WWOX: variants seen among roughly 807,000 people sequenced by gnomAD.
WWOX encodes WW domain-containing oxidoreductase.
WWOX carries 69 observed loss-of-function variants against 46.2 expected under a neutral mutation model. That is an observed-to-expected ratio of 1.49 (90% CI 1.23 to 1.82). The LOEUF is 1.82. WWOX is among the 40% of genes most tolerant of loss of function. The pLI, the probability that WWOX is intolerant of heterozygous loss-of-function variation, is 0.00. For synonymous variants in WWOX, 359 were observed against 202.6 expected (o/e 1.77, Z -6.56); for missense variants, 919 against 542.6 (o/e 1.69, Z -6.89).
intron 8 of WWOX, among the ~76,000 whole-genome samples, chr16:79,072,848 C>G (rs892583410): frequency 2.6e-5 from 4 of 152,132 alleles, no homozygotes; most frequent in African/African-American, 9.7e-5. Context: ...GTCTTTAGAA[C>G]CAGAATGTGT....
intron 8 of WWOX, among the ~76,000 whole-genome samples, chr16:79,081,923 A>C (rs1174717787): frequency 7.2e-5 from 11 of 152,182 alleles, no homozygotes; most frequent in South Asian, 2.1e-4. Flanking sequence ...GTGAAACCGT[A>C]GCAAAACCTC....
chr16:78,650,223 C>T (rs1485132014), intron 8 of WWOX, among the ~76,000 whole-genome samples: 2 of 152,226 alleles, frequency 1.3e-5, no homozygotes, highest in East Asian at 3.8e-4. Flanking sequence ...CACATTACTA[C>T]ATACAGTGAC....
At chr16:78,772,553 A>G (rs949986069) in intron 8 of WWOX, among the ~76,000 whole-genome samples, 1 of 152,160 alleles carries the variant, frequency 6.6e-6, no homozygotes, top group African/African-American at 2.4e-5. Flanking sequence ...TGAAGTTATT[A>G]TCTTCCCTTT....
chr16:79,017,023 T>C (rs2047427942), intron 8 of WWOX: 1 of 152,096 alleles, frequency 6.6e-6, no homozygotes, highest in Admixed American at 6.5e-5. Context: ...CTTCAAAGCT[T>C]AATTAGGAAG....
At chr16:79,178,660 C>T (rs533833534) in intron 8 of WWOX, among the ~76,000 whole-genome samples, 5 of 152,236 alleles carry the variant, frequency 3.3e-5, no homozygotes, top group South Asian at 2.1e-4. Context: ...CTCCAATCTT[C>T]GAAGAATCCG....
chr16:78,880,992 CTTTTTTTT>C (rs71140838), intron 8 of WWOX, among the ~76,000 whole-genome samples: 1 of 113,530 alleles, frequency 8.8e-6, no homozygotes, highest in Non-Finnish European at 1.7e-5. Flanking sequence ...AATTTTTTTT[CTTTTTTTT>C]TTTTTTTTTT....
At chr16:78,252,203 G>A (rs1463663274) in intron 5 of WWOX, among the ~76,000 whole-genome samples, 1 of 152,170 alleles carries the variant, frequency 6.6e-6, no homozygotes, top group Admixed American at 6.5e-5. Context: ...GTGTGCAAGT[G>A]AACAAATAGC....
intron 8 of WWOX, among the ~76,000 whole-genome samples, chr16:78,635,149 C>T (rs1273724461): frequency 6.6e-6 from 1 of 152,144 alleles, no homozygotes; most frequent in Non-Finnish European, 1.5e-5. Flanking sequence ...AAAACTGTAC[C>T]TCTTGCCACT....
rs185566095 is a variant in WWOX at position 78,755,921 on chromosome 16, G to C, written c.1056+323169G>C. 1.8e-3 allele frequency among the ~76,000 whole-genome samples: 273 copies of C among 152,264 alleles called. 4 individuals carry two copies. The highest frequency in any genetic ancestry group is 6.2e-4 in the Non-Finnish European group (42 of 68,028). On this transcript the variant is annotated intron_variant, in intron 8 of 8. Coordinates refer to ENST00000566780, the MANE Select transcript of WWOX (RefSeq NM_016373.4). ...CATAGGATTTTTGTCAGGACGCTAT[G>C]ATGAGAAGAACATATGCCAAGGAGA...
At chr16:78,721,330 T>C (rs150785565) in intron 8 of WWOX, among the ~76,000 whole-genome samples, 7 of 152,330 alleles carry the variant, frequency 4.6e-5, no homozygotes, top group East Asian at 1.9e-4. Flanking sequence ...TTTAAAGATA[T>C]CATAATACCA....
chr16:78,172,274 C>T (rs1258396963), intron 5 of WWOX, among the ~76,000 whole-genome samples: 6 of 152,220 alleles, frequency 3.9e-5, no homozygotes, highest in Non-Finnish European at 2.9e-5. Context: ...CAAGGAAGCT[C>T]TTTCCTTCGC....
At chr16:79,050,106 G>A (rs1186049799) in intron 8 of WWOX, among the ~76,000 whole-genome samples, 2 of 152,166 alleles carry the variant, frequency 1.3e-5, no homozygotes, top group African/African-American at 4.8e-5. Flanking sequence ...TGCTGCTGCT[G>A]CGTAACCGTG....
chr16:79,173,266 G>A (rs1253988761), intron 8 of WWOX, among the ~76,000 whole-genome samples: 1 of 149,694 alleles, frequency 6.7e-6, no homozygotes, highest in African/African-American at 2.5e-5. Context: ...ACATTCCACA[G>A]GAAGGGAACC....
chr16:79,070,679 C>T (rs1035412885), intron 8 of WWOX, among the ~76,000 whole-genome samples: 6 of 152,162 alleles, frequency 3.9e-5, no homozygotes, highest in African/African-American at 1.2e-4. Context: ...GTCAACAATC[C>T]AGGAGCTGGC....
At chr16:78,950,887 A>C (rs969263884) in intron 8 of WWOX, among the ~76,000 whole-genome samples, 2 of 152,246 alleles carry the variant, frequency 1.3e-5, no homozygotes, top group African/African-American at 4.8e-5. Flanking sequence ...TGTTTGGCAG[A>C]GGTGTGGTAG....
At chr16:78,313,176 C>G (rs1273874292) in intron 5 of WWOX, among the ~76,000 whole-genome samples, 1 of 152,176 alleles carries the variant, frequency 6.6e-6, no homozygotes, top group Admixed American at 6.5e-5. Context: ...ACTTGGAAAT[C>G]AGACATCTTA....
chr16:78,144,471 A>ATATATATATATATATATATATATG (rs2034115336), intron 4 of WWOX, among the ~76,000 whole-genome samples: 1 of 33,586 alleles, frequency 3.0e-5, no homozygotes, highest in Non-Finnish European at 5.0e-5. Flanking sequence ...ATACACACAT[A>ATATATATATATATATATATATATG]TATATATATA....
chr16:78,735,954 T>C (rs757381485), intron 8 of WWOX, among the ~76,000 whole-genome samples: 5 of 151,836 alleles, frequency 3.3e-5, no homozygotes, highest in Admixed American at 6.6e-5. Flanking sequence ...CTTCCCAATT[T>C]ACCTGTGAGA....
intron 8 of WWOX, among the ~76,000 whole-genome samples, chr16:78,608,398 G>T (rs752364002): frequency 1.3e-5 from 2 of 152,172 alleles, no homozygotes; most frequent in East Asian, 3.8e-4. Context: ...CCAAATGCCT[G>T]TGCTACATAA....
Sources: gnomAD v4.1 joint callset for allele counts (sites outside exome capture counted in the v4.1 genomes callset) on GRCh38, gnomAD v4.1.1 for gene constraint, MANE v1.5 for transcripts, NCBI Gene and HGNC (gene_info 2026-07-23, HGNC 2026-07-21) for gene names.